The following ALDOB variants were observed in gnomAD, a reference collection of about 807,000 sequenced individuals.
ALDOB encodes fructose-bisphosphate aldolase B.
A neutral mutation model predicts 41.0 loss-of-function variants in ALDOB; 39 were observed. The ratio of observed to expected loss-of-function variants is 0.95; its 90% CI spans 0.74 to 1.24. ALDOB has a LOEUF of 1.24. Ranked by LOEUF, ALDOB falls within the 50% of genes most tolerant of loss-of-function variation. The probability of loss-of-function intolerance (pLI) is 0.00; values close to 1 mark genes in which losing one functional copy is unlikely to be tolerated. For missense variants in ALDOB, 530 were observed against 457.3 expected, an observed-to-expected ratio of 1.16 and a Z score of -1.45; for synonymous variants, 175 against 168.8, an observed-to-expected ratio of 1.04 and a Z score of -0.28.
intron 1 of ALDOB, among the ~76,000 whole-genome samples, chr9:101,431,863 A>G (rs1346430452): frequency 1.3e-5 from 2 of 152,072 alleles, no homozygotes; most frequent in Non-Finnish European, 2.9e-5. Flanking sequence ...CTCTCCCTCC[A>G]ATACACTCAG....
At chr9:101,431,278 C>A (rs1016020925) in intron 1 of ALDOB, among the ~76,000 whole-genome samples, 5 of 152,198 alleles carry the variant, frequency 3.3e-5, no homozygotes, top group African/African-American at 1.2e-4. Context: ...TCCTTAATGG[C>A]TTGAGGCCAG....
intron 8 of ALDOB, among the ~76,000 whole-genome samples, chr9:101,422,659 A>T (rs1363806759): frequency 1.3e-5 from 2 of 152,244 alleles, no homozygotes; most frequent in African/African-American, 4.8e-5. Context: ...GTACAAAAAT[A>T]CAGTTAGGCA....
Position 101,429,854 on chromosome 9 carries a change from C to T in ALDOB, c.225G>A (p.Gly75=). The change falls in exon 3 of 9, where the codon GGG becomes GGA. Residue 75 remains glycine, a synonymous_variant. Transcript: ENST00000647789. ...GGGTCTCGTGGAAAAGGATCACACCCCCGATGCTCTGGTTGATGGAACTGT... is the reference window on the plus strand; with the variant it reads ...GGGTCTCGTGGAAAAGGATCACACCTCCGATGCTCTGGTTGATGGAACTGT... ...SVDSSINQSI[G]GVILFHETLY... 1.2e-6 allele frequency: 2 copies of T among 1,614,116 alleles called. No homozygotes were observed. Among genetic ancestry groups the T allele is most frequent in the Non-Finnish European group, 1.7e-6 (2 of 1,180,036 alleles).
chr9:101,421,435 C>T lies in ALDOB; in HGVS notation c.*374G>A, dbSNP rs949099709. The T allele has an allele frequency of 1.0e-4, 33 of 316,026 alleles. No individual in the cohort carries two copies. Among genetic ancestry groups the T allele is most frequent in the African/African-American group, 6.5e-4 (30 of 46,356 alleles). 19.6% of individuals were successfully genotyped at this position (316,026 alleles called of 1,614,324 possible). ...TGCAGCTATCTCCTTCCCAACCTAC[C>T]ACTGCTAAGACTGTTTCATAAGATG... On this transcript the variant is annotated 3_prime_UTR_variant, in exon 9 of 9. Coordinates refer to ENST00000647789, the MANE Select transcript of ALDOB (RefSeq NM_000035.4).
At chr9:101,429,629 C>T (rs565610677) in intron 3 of ALDOB, 126 bp downstream of exon 3, 19 of 935,176 alleles carry the variant, frequency 2.0e-5, no homozygotes, top group Non-Finnish European at 3.0e-5. Flanking sequence ...GGGAAGATGA[C>T]GATGGAAAAG....
chr9:101,430,862 G>C lies in ALDOB; in HGVS notation c.26C>G (p.Thr9Ser). The change falls in exon 2 of 9, where the codon ACC becomes AGC. Residue 9 changes from threonine to serine, a missense_variant. By Grantham distance (58) the Thr-to-Ser change is moderately conservative. Coordinates refer to ENST00000647789, the MANE Select transcript of ALDOB (RefSeq NM_000035.4). MAHRFPALTQEQKKELSEI... is the reference protein window; with the variant it reads MAHRFPALSQEQKKELSEI... ...TGAGAGCTCCTTCTTCTGCTCCTGG[G>C]TGAGGGCTGGAAATCGGTGGGCCAT... The C allele has an allele frequency of 6.2e-7, 1 of 1,614,132 alleles. No individual in the cohort carries two copies. The highest frequency in any genetic ancestry group is 8.5e-7 in the Non-Finnish European group (1 of 1,179,994).
rs142156974 is a variant in ALDOB at position 101,425,685 on chromosome 9, C to A, written c.625-58G>T. 6.7e-4 allele frequency: 1,062 copies of A among 1,581,686 alleles called. 11 individuals carry two copies. The African/African-American group carries it at 0.013, about 19-fold the overall frequency. ...CAAAGCTAGTCATAGAGCCACTTGA[C>A]CTTGGCACATTTACACTGCAGGGAG... is the stretch of plus-strand genomic sequence containing the variant. On this transcript the variant is annotated intron_variant, in intron 6 of 8. Transcript: ENST00000647789.
At position 101,421,699 on chromosome 9, in the gene ALDOB, T is replaced by G; in HGVS notation, c.*110A>C. 1 of 843,146 alleles carries G rather than the reference T, an allele frequency of 1.2e-6. No homozygotes were observed. Among genetic ancestry groups the G allele is most frequent in the East Asian group, 2.5e-5 (1 of 39,868 alleles). 52.2% of individuals were successfully genotyped at this position (843,146 alleles called of 1,614,324 possible). A position where few individuals can be genotyped will look rare whatever the true frequency, so the allele number is the denominator to read the frequency against. On this transcript the variant is annotated 3_prime_UTR_variant, in exon 9 of 9. Transcript: ENST00000647789. Reference sequence around the variant, plus strand: ...ACTTAAGATTTAACATGTGTTGTATTTCCAGCAGTTCAAATCTAATTGTGT... The same window carrying G: ...ACTTAAGATTTAACATGTGTTGTATGTCCAGCAGTTCAAATCTAATTGTGT...
chr9:101,433,575 T>C (rs1279894135), intron 1 of ALDOB, among the ~76,000 whole-genome samples: 2 of 152,218 alleles, frequency 1.3e-5, no homozygotes, highest in South Asian at 2.1e-4. Flanking sequence ...TGGAAGTTGT[T>C]CACATTATAT....
chr9:101,424,795 C>A, intron 8 of ALDOB, 48 bp downstream of exon 8: 3 of 1,604,214 alleles, frequency 1.9e-6, no homozygotes, highest in Non-Finnish European at 2.6e-6. Flanking sequence ...GAAAGTCAAG[C>A]CCCAAATGTG....
rs1831044908 is a variant in ALDOB at position 101,421,436 on chromosome 9, A to G, written c.*373T>C. 3.1e-6 allele frequency: 1 copy of G among 323,606 alleles called. No homozygotes were observed. Among genetic ancestry groups the G allele is most frequent in the Admixed American group, 4.2e-5 (1 of 23,728 alleles). 20.0% of individuals were successfully genotyped at this position (323,606 alleles called of 1,614,324 possible). A position where few individuals can be genotyped will look rare whatever the true frequency, so the allele number is the denominator to read the frequency against. On this transcript the variant is annotated 3_prime_UTR_variant, in exon 9 of 9. Transcript: ENST00000647789. ...GCAGCTATCTCCTTCCCAACCTACC[A>G]CTGCTAAGACTGTTTCATAAGATGC...
Position 101,421,841 on chromosome 9 carries a change from G to T in ALDOB, c.1063C>A (p.Gln355Lys). 4 of 1,614,054 alleles carry T rather than the reference G, an allele frequency of 2.5e-6. No homozygotes were observed. The highest frequency in any genetic ancestry group is 3.4e-6 in the Non-Finnish European group (4 of 1,179,996). ...HTGSSGAAST[Q>K]SLFTACYTY Reference sequence around the variant, plus strand: ...GTATAGCAGGCTGTGAAGAGCGACTGGGTGGAAGCAGCCCCAGAAGAACCC... The same window carrying T: ...GTATAGCAGGCTGTGAAGAGCGACTTGGTGGAAGCAGCCCCAGAAGAACCC... The change falls in exon 9 of 9, where the codon CAG becomes AAG. Residue 355 changes from glutamine (Q) to lysine (K), a missense_variant. Physicochemically the swap from Gln to Lys is moderately conservative, Grantham distance 53 (BLOSUM62 1). Coordinates refer to ENST00000647789, the MANE Select transcript of ALDOB (RefSeq NM_000035.4).
chr9:101,425,387 G>C lies in ALDOB; in HGVS notation c.799+66C>G, dbSNP rs912961119. The C allele has an allele frequency of 1.3e-4, 202 of 1,578,362 alleles. No individual in the cohort carries two copies. The African/African-American group carries it at 2.4e-3, about 19-fold the overall frequency. The stretch of plus-strand genomic sequence containing the variant: ...ATAGAAGCAGATTTCTGGACAAACA[G>C]AAAGCTTGTGGCTCTCCAAAGAATG... On this transcript the variant is annotated intron_variant, in intron 7 of 8. Coordinates refer to ENST00000647789, the MANE Select transcript of ALDOB (RefSeq NM_000035.4).
chr9:101,427,388 G>A (rs1038082604), intron 5 of ALDOB, 94 bp downstream of exon 5: 39 of 1,472,832 alleles, frequency 2.6e-5, no homozygotes, highest in Middle Eastern at 1.9e-4. Flanking sequence ...TGAGGGAAAA[G>A]GAGGTCCATT....
At position 101,425,739 on chromosome 9, in the gene ALDOB, T is replaced by A; in HGVS notation, c.625-112A>T. The A allele has an allele frequency of 2.4e-6, 3 of 1,230,676 alleles. No individual in the cohort carries two copies. The African/African-American group carries it at 4.5e-5, about 18-fold the overall frequency. The allele number at this position is 1,230,676 out of a possible 1,614,324, so 76.2% of individuals were successfully genotyped here. ...GGATGAAGGAATTCTTATTTGTTGCTTGGCAAAAGCTTCTGAACCAATCTC... is the reference window on the plus strand; with the variant it reads ...GGATGAAGGAATTCTTATTTGTTGCATGGCAAAAGCTTCTGAACCAATCTC... On this transcript the variant is annotated intron_variant, in intron 6 of 8. Transcript: ENST00000647789.
At chr9:101,433,532 T>G (rs1173928718) in intron 1 of ALDOB, among the ~76,000 whole-genome samples, 1 of 152,206 alleles carries the variant, frequency 6.6e-6, no homozygotes, top group East Asian at 1.9e-4. Flanking sequence ...GCCTCTGCTC[T>G]CTCAGATCTC....
intron 1 of ALDOB, among the ~76,000 whole-genome samples, chr9:101,432,233 GT>G (rs1831230052): frequency 6.6e-6 from 1 of 152,132 alleles, no homozygotes; most frequent in Non-Finnish European, 1.5e-5. Flanking sequence ...AGAGGTTCTT[GT>G]CTTACCCCAA....
At chr9:101,430,476 A>T (rs1486927741) in intron 2 of ALDOB, among the ~76,000 whole-genome samples, 1 of 152,120 alleles carries the variant, frequency 6.6e-6, no homozygotes, top group Non-Finnish European at 1.5e-5. Flanking sequence ...CTGACTTCTC[A>T]CTAGTAGCAG....
rs190766011 is a variant in ALDOB at position 101,422,463 on chromosome 9, C to T, written c.1000-559G>A. Among the ~76,000 whole-genome samples the T allele has an allele frequency of 2.6e-5, 4 of 152,310 alleles. No homozygotes were observed. The East Asian group carries it at 7.7e-4, about 29-fold the overall frequency. ...CTCCAGGACTTATTTCTACATTTTA[C>T]ATCAATGGTTCTCCAACTGTGTTTC... On this transcript the variant is annotated intron_variant, in intron 8 of 8. Coordinates refer to ENST00000647789, the MANE Select transcript of ALDOB (RefSeq NM_000035.4).
Sources: gnomAD v4.1 joint callset for allele counts (sites outside exome capture counted in the v4.1 genomes callset) on GRCh38, gnomAD v4.1.1 for gene constraint, MANE v1.5 for transcripts, NCBI Gene and HGNC (gene_info 2026-07-23, HGNC 2026-07-21) for gene names.